Variants in GREB1L observed in about 807,000 individuals in gnomAD.
GREB1L encodes GREB1 like retinoic acid receptor coactivator.
A neutral mutation model predicts 200.8 loss-of-function variants in GREB1L; 17 were observed. That is an observed-to-expected ratio of 0.08 (90% CI 0.06 to 0.13). The LOEUF (loss-of-function observed/expected upper bound fraction) is 0.13. Among genes scored for constraint, GREB1L ranks in the 10% least tolerant of loss-of-function variants. The pLI is 1.00. For missense variants in GREB1L, 1,657 were observed against 2,367.7 expected (o/e 0.70, Z 6.23); for synonymous variants, 789 against 893.0 (o/e 0.88, Z 2.08).
At chr18:21,508,037 T>A (rs1271497895) in intron 25 of GREB1L, 81 bp from the exon 26 acceptor site, 1 of 1,342,808 alleles carries the variant, frequency 7.4e-7, no homozygotes, top group East Asian at 2.5e-5. Flanking sequence ...CATCTCTTAA[T>A]AACAACCTGA....
intron 30 of GREB1L, 85 bp downstream of exon 30, chr18:21,516,839 C>T: frequency 4.4e-5 from 44 of 996,510 alleles, no homozygotes; most frequent in South Asian, 1.2e-4. Context: ...GCATTAAGCA[C>T]TTTCTATTTT....
intron 1 of GREB1L, among the ~76,000 whole-genome samples, chr18:21,247,290 A>G (rs2037621931): frequency 6.6e-6 from 1 of 152,102 alleles, no homozygotes; most frequent in African/African-American, 2.4e-5. Flanking sequence ...TATCTTTTCA[A>G]GGTTGTGGTT....
chr18:21,338,534 A>G (rs1256379009), intron 1 of GREB1L, among the ~76,000 whole-genome samples: 2 of 152,232 alleles, frequency 1.3e-5, no homozygotes, highest in Admixed American at 1.3e-4. Context: ...TACCACCACC[A>G]TCACTGTCAG....
At chr18:21,445,975 A>G (rs1001179502) in intron 11 of GREB1L, among the ~76,000 whole-genome samples, 2 of 152,192 alleles carry the variant, frequency 1.3e-5, no homozygotes, top group African/African-American at 4.8e-5. Context: ...GATATAGCCA[A>G]CCAAGAAAAT....
chr18:21,473,980 C>T (rs566899111), intron 16 of GREB1L, among the ~76,000 whole-genome samples: 411 of 152,208 alleles, frequency 2.7e-3, no homozygotes, highest in Non-Finnish European at 3.9e-3. Context: ...AAGAACAACA[C>T]GGGAAAGACC....
intron 1 of GREB1L, among the ~76,000 whole-genome samples, chr18:21,247,281 A>G (rs149503349): frequency 3.9e-5 from 6 of 152,298 alleles, no homozygotes; most frequent in South Asian, 2.1e-4. Context: ...AGAATTCACT[A>G]TCTTTTCAAG....
chr18:21,440,188 A>G lies in GREB1L; in HGVS notation c.950-81A>G, dbSNP rs546753510. 1.2e-4 allele frequency: 162 copies of G among 1,390,630 alleles called. 2 individuals carry two copies. The South Asian group carries it at 2.0e-3, about 17-fold the overall frequency. 86.1% of individuals were successfully genotyped at this position (1,390,630 alleles called of 1,614,324 possible). ...AAATTAAAGGTTCTGTATTACTTAT[A>G]TTACTCTGGCGTTCTTTCCTTTCTT... On this transcript the variant is annotated intron_variant, in intron 8 of 32. Coordinates refer to ENST00000424526, the MANE Select transcript of GREB1L (RefSeq NM_001142966.3).
chr18:21,267,275 G>A (rs1319833940), intron 1 of GREB1L, among the ~76,000 whole-genome samples: 10 of 142,758 alleles, frequency 7.0e-5, no homozygotes, highest in Non-Finnish European at 1.4e-4. Flanking sequence ...TCTGCCTCCC[G>A]GGTTCAAGCG....
intron 1 of GREB1L, among the ~76,000 whole-genome samples, chr18:21,303,895 AC>A (rs976432711): frequency 2.8e-4 from 43 of 152,310 alleles, no homozygotes; most frequent in African/African-American, 9.9e-4. Context: ...AGTAAAGTAA[AC>A]GAGGGTCAAT....
chr18:21,472,969 C>T lies in GREB1L; in HGVS notation c.2183-62C>T. Reference sequence around the variant, plus strand: ...CAGCTGACAATGAACTCAAGTCTATCTCCTGTGTGTGTGTGTATGTGTAAA... The same window carrying T: ...CAGCTGACAATGAACTCAAGTCTATTTCCTGTGTGTGTGTGTATGTGTAAA... On this transcript the variant is annotated intron_variant, in intron 15 of 32. Coordinates refer to ENST00000424526, the MANE Select transcript of GREB1L (RefSeq NM_001142966.3). 3.5e-6 allele frequency: 4 copies of T among 1,143,236 alleles called. No homozygotes were observed. The South Asian group carries it at 7.3e-5, about 21-fold the overall frequency. 70.8% of individuals were successfully genotyped at this position (1,143,236 alleles called of 1,614,324 possible). A position where few individuals can be genotyped will look rare whatever the true frequency, so the allele number is the denominator to read the frequency against.
chr18:21,505,002 C>A (rs2036956052), intron 23 of GREB1L, among the ~76,000 whole-genome samples: 1 of 152,144 alleles, frequency 6.6e-6, no homozygotes, highest in Non-Finnish European at 1.5e-5. Context: ...TACCAGCTCC[C>A]AGCTGATTGT....
chr18:21,290,548 T>G (rs2038430941), intron 1 of GREB1L, among the ~76,000 whole-genome samples: 1 of 152,146 alleles, frequency 6.6e-6, no homozygotes, highest in Non-Finnish European at 1.5e-5. Context: ...TCTCACCAGG[T>G]GCAGTGGCTC....
At chr18:21,275,135 G>A (rs532029319) in intron 1 of GREB1L, among the ~76,000 whole-genome samples, 80 of 152,122 alleles carry the variant, frequency 5.3e-4, no homozygotes, top group African/African-American at 1.9e-3. Context: ...AGCTACTCAG[G>A]AGGCTGAGGC....
chr18:21,364,945 A>G (rs1210122629), intron 1 of GREB1L, among the ~76,000 whole-genome samples: 1 of 151,858 alleles, frequency 6.6e-6, no homozygotes, highest in East Asian at 1.9e-4. Flanking sequence ...GTTTGGATGT[A>G]GGTAGCAAGG....
intron 15 of GREB1L, among the ~76,000 whole-genome samples, chr18:21,464,325 C>T (rs1331950157): frequency 6.6e-6 from 1 of 151,966 alleles, no homozygotes; most frequent in East Asian, 1.9e-4. Flanking sequence ...GTCAAGAGAT[C>T]GAGACTATCC....
chr18:21,330,934 C>T (rs987919932), intron 1 of GREB1L, among the ~76,000 whole-genome samples: 4 of 152,124 alleles, frequency 2.6e-5, no homozygotes, highest in African/African-American at 9.7e-5. Flanking sequence ...TTTTCTTGCT[C>T]TTTAATGGAA....
chr18:21,516,770 T>C lies in GREB1L; in HGVS notation c.5271+16T>C. 1 of 1,547,224 alleles carries C rather than the reference T, an allele frequency of 6.5e-7. No individual in the cohort carries two copies. The highest frequency in any genetic ancestry group is 1.4e-5 in the African/African-American group (1 of 73,042). On this transcript the variant is annotated intron_variant, in intron 30 of 32. Coordinates refer to ENST00000424526, the MANE Select transcript of GREB1L (RefSeq NM_001142966.3). ...AAAGATCATGGTGAGTACCGCAAGC[T>C]TGATTCAAGTGCTGAAAATAAGCAC...
intron 15 of GREB1L, among the ~76,000 whole-genome samples, chr18:21,456,327 G>A (rs549845295): frequency 6.6e-6 from 1 of 152,270 alleles, no homozygotes; most frequent in Admixed American, 6.5e-5. Flanking sequence ...AAAGAGTATT[G>A]TAATTGGATT....
intron 7 of GREB1L, among the ~76,000 whole-genome samples, chr18:21,438,840 A>T (rs1317248216): frequency 3.3e-5 from 5 of 151,416 alleles, no homozygotes; most frequent in Non-Finnish European, 7.4e-5. Flanking sequence ...GGGCGCCTGT[A>T]GTCCCAGCTA....
Sources: allele counts gnomAD v4.1 joint callset (sites outside exome capture counted in the v4.1 genomes callset), GRCh38; gene constraint gnomAD v4.1.1; transcripts MANE v1.5; gene names NCBI Gene and HGNC (gene_info 2026-07-23, HGNC 2026-07-21).